The following WNK4 variants were observed in gnomAD, a reference collection of about 807,000 sequenced individuals.
WNK4 encodes serine/threonine-protein kinase WNK4.
WNK4 carries 94 observed loss-of-function variants against 116.2 expected under a neutral mutation model. The observed-to-expected ratio is 0.81, with a 90% CI of 0.68 to 0.96. The LOEUF is 0.96. WNK4 is among the 40% of genes least tolerant of loss of function. The pLI is 0.00. For missense variants in WNK4, 1,542 were observed against 1,650.6 expected (o/e 0.93, Z 1.14); for synonymous variants, 655 against 672.7 (o/e 0.97, Z 0.41).
intron 7 of WNK4, 110 bp downstream of exon 7, chr17:42,787,652 C>T: frequency 6.3e-7 from 1 of 1,594,076 alleles, no homozygotes; most frequent in South Asian, 1.1e-5. Flanking sequence ...CACCTCTAGC[C>T]ATGAAGCTCC....
In WNK4 at chr17:42,794,089, C is replaced by T. The variant is rs918010408; in HGVS notation, c.2295+360C>T. On this transcript the variant is annotated intron_variant, in intron 12 of 18. Transcript: ENST00000246914. ...CAGGCTGGTCTCGATCTCCTGACCT[C>T]GTGATCCGCCCTCCTCGGCCTCCCA... The T allele has an allele frequency of 3.7e-5, 12 of 322,780 alleles. No homozygotes were observed. The East Asian group carries it at 6.9e-4, about 18-fold the overall frequency. 20.0% of individuals were successfully genotyped at this position (322,780 alleles called of 1,614,324 possible). A position where few individuals can be genotyped will look rare whatever the true frequency, so the allele number is the denominator to read the frequency against.
chr17:42,796,733 A>G lies in WNK4; in HGVS notation c.*45A>G. 1 of 1,614,194 alleles carries G rather than the reference A, an allele frequency of 6.2e-7. No individual in the cohort carries two copies. Among genetic ancestry groups the G allele is most frequent in the Non-Finnish European group, 8.5e-7 (1 of 1,180,028 alleles). ...TATCTCCCCCACACCAGGGCCCACC[A>G]TGGAGCTTGTGTTCTCAGAATCTGA... On this transcript the variant is annotated 3_prime_UTR_variant, in exon 19 of 19. Coordinates refer to ENST00000246914, the MANE Select transcript of WNK4 (RefSeq NM_032387.5).
chr17:42,786,777 A>C (rs2054553713), intron 6 of WNK4, among the ~76,000 whole-genome samples: 1 of 152,170 alleles, frequency 6.6e-6, no homozygotes, highest in Admixed American at 6.5e-5. Context: ...ATGTGTTAGA[A>C]ATTTAGAGCA....
intron 7 of WNK4, 31 bp downstream of exon 7, chr17:42,787,573 C>A (rs1326350091): frequency 9.3e-6 from 15 of 1,611,982 alleles, no homozygotes; most frequent in African/African-American, 1.3e-5. Context: ...AGACGTAGGT[C>A]CCAGAACACC....
intron 12 of WNK4, 104 bp downstream of exon 12, chr17:42,793,833 T>A: frequency 6.9e-7 from 1 of 1,441,864 alleles, no homozygotes; most frequent in Non-Finnish European, 9.6e-7. Context: ...CCTCTTCATC[T>A]CTGGGACCCT....
chr17:42,784,931 G>C lies in WNK4; in HGVS notation c.1171-166G>C, dbSNP rs61754354. 5.9e-4 allele frequency among the ~76,000 whole-genome samples: 88 copies of C among 148,196 alleles called. No individual in the cohort carries two copies. The Middle Eastern group carries it at 0.014, about 23-fold the overall frequency. On this transcript the variant is annotated intron_variant, in intron 4 of 18. Transcript: ENST00000246914. The surrounding 1 kb of genome is among the most constrained non-coding windows in gnomAD (Gnocchi z 4.4). ...AAGATCACACTGTAAATACTTGGGG[G>C]GGGGGCGGGGATTAGGATTTGAAAT...
intron 8 of WNK4, 59 bp downstream of exon 8, chr17:42,787,958 C>T: frequency 6.2e-7 from 1 of 1,606,374 alleles, no homozygotes; most frequent in Non-Finnish European, 8.5e-7. Context: ...CTATCTCCCT[C>T]CTTGTGAAAC....
Position 42,796,144 on chromosome 17 carries a change from A to G in WNK4, c.3453A>G (p.Thr1151=), listed in dbSNP as rs915513152. The G allele has an allele frequency of 6.2e-6, 10 of 1,614,084 alleles. No individual in the cohort carries two copies. The highest frequency in any genetic ancestry group is 1.7e-5 in the Admixed American group (1 of 60,030). The part of the protein sequence containing the change: ...LRQKHLSEVE[T]LQTLQKKEIE... ...TCAGGCACTTGTCAGAGGTGGAAAC[A>G]CTACAGACACTACAGAAAAAAGAAA... Residue 1151 remains threonine, a synonymous_variant, in exon 17 of 19, where the codon ACA becomes ACG. Coordinates refer to ENST00000246914, the MANE Select transcript of WNK4 (RefSeq NM_032387.5).
chr17:42,790,400 G>A (rs528521558), intron 11 of WNK4, among the ~76,000 whole-genome samples: 2 of 151,914 alleles, frequency 1.3e-5, no homozygotes, highest in South Asian at 4.2e-4. Flanking sequence ...ATGAAAGAAG[G>A]TTTTTTTTAA....
rs370770635 is a variant in WNK4 at position 42,785,411 on chromosome 17, C to T, written c.1405C>T (p.Arg469Trp). The T allele has an allele frequency of 3.2e-5, 51 of 1,570,298 alleles. No homozygotes were observed. Among genetic ancestry groups the T allele is most frequent in the Admixed American group, 1.1e-4 (6 of 53,000 alleles). Residue 469 changes from arginine to tryptophan, a missense_variant, in exon 6 of 19, where the codon CGG becomes TGG. Arg to Trp is a moderately radical substitution (Grantham distance 101). Around this residue, in one of 7 missense-constraint regions of WNK4, gnomAD observed 808 missense variants for 873.6 expected, o/e 0.92. Transcript: ENST00000246914. The part of the protein sequence containing the change: ...MEDARRGGRP[R>W]DNQAIEFLFQ... ...GGACGCGCGGCGCGGGGGGCGCCCA[C>T]GGGACAACCAGGCCATCGAGTTCCT...
At chr17:42,789,450 G>A (rs2054586360) in intron 11 of WNK4, among the ~76,000 whole-genome samples, 1 of 151,912 alleles carries the variant, frequency 6.6e-6, no homozygotes, top group Admixed American at 6.6e-5. Flanking sequence ...ATCACCCGAG[G>A]TCAGGAGTTC....
chr17:42,788,885 C>G, intron 11 of WNK4, 88 bp downstream of exon 11: 1 of 1,054,896 alleles, frequency 9.5e-7, no homozygotes. Flanking sequence ...ACCCACTGAT[C>G]CGACAGCAAG....
chr17:42,795,989 G>A lies in WNK4; in HGVS notation c.3387G>A (p.Gly1129=), dbSNP rs2054665878. The change falls in exon 16 of 19, where the codon GGG becomes GGA. Residue 1129 remains glycine (G), a synonymous_variant. Transcript: ENST00000246914. ...CLSSEESESS[G]EDEEFWAELQ... is the part of the protein sequence containing the mutation. ...GCAGCGAGGAGTCAGAAAGCAGTGG[G>A]GAAGATGAGGAGTTCTGGGCTGAGC... 6.2e-7 allele frequency: 1 copy of A among 1,613,756 alleles called. No individual in the cohort carries two copies. Among genetic ancestry groups the A allele is most frequent in the Non-Finnish European group, 8.5e-7 (1 of 1,180,034 alleles).
Position 42,795,064 on chromosome 17 carries a change from G to A in WNK4, c.2643G>A (p.Trp881Ter), listed in dbSNP as rs2054649322. The A allele has an allele frequency of 6.2e-7, 1 of 1,613,564 alleles. No homozygotes were observed. The highest frequency in any genetic ancestry group is 1.1e-5 in the South Asian group (1 of 91,060). ...CGGTCCCACTCTCTCAGTGTCCCTG[G>A]AGTTCTCTCCCCACGACTTCTCCAC... ...EFPVPLSQCP[W>*]SSLPTTSPPT... Residue 881 changes from tryptophan (W) to a stop codon, truncating the protein, a stop_gained, in exon 14 of 19, where the codon TGG becomes TGA. Transcript: ENST00000246914. LOFTEE classifies it high-confidence loss of function.
chr17:42,781,093 T>G lies in WNK4; in HGVS notation c.395T>G (p.Val132Gly). 1 of 1,613,342 alleles carries G rather than the reference T, an allele frequency of 6.2e-7. No homozygotes were observed. The highest frequency in any genetic ancestry group is 8.5e-7 in the Non-Finnish European group (1 of 1,179,778). ...CGTCCCGAGCTCCCGGACTCTGCAG[T>G]GGGCCCGGGGTCCAGGGAGCCGCTA... ...SARPELPDSA[V>G]GPGSREPLRV... Residue 132 changes from valine (V) to glycine (G), a missense_variant, in exon 1 of 19, where the codon GTG (valine) becomes GGG (glycine). Around this residue, in one of 7 missense-constraint regions of WNK4, gnomAD observed 243 missense variants for 217.8 expected, o/e 1.12. Transcript: ENST00000246914.
intron 10 of WNK4, 48 bp from the exon 11 acceptor site, chr17:42,788,633 G>C (rs763690967): frequency 6.7e-6 from 10 of 1,490,036 alleles, no homozygotes; most frequent in Non-Finnish European, 9.4e-6. Context: ...GACACAGCAT[G>C]ATGAAGAGGG....
rs908432328 is a variant in WNK4 at position 42,782,645 on chromosome 17, A to T, written c.619-113A>T. 8.8e-5 allele frequency: 109 copies of T among 1,238,224 alleles called. No individual in the cohort carries two copies. The highest frequency in any genetic ancestry group is 1.2e-4 in the Non-Finnish European group (104 of 871,656). 76.7% of individuals were successfully genotyped at this position (1,238,224 alleles called of 1,614,324 possible). ...CTGGGCAAGTAATCCCATTAACCCCACCCCATCTGTGGGCTCCAACCCTCA... is the reference window on the plus strand; with the variant it reads ...CTGGGCAAGTAATCCCATTAACCCCTCCCCATCTGTGGGCTCCAACCCTCA... On this transcript the variant is annotated intron_variant, in intron 1 of 18. Coordinates refer to ENST00000246914, the MANE Select transcript of WNK4 (RefSeq NM_032387.5). This position sits in a 1 kb window ranked among gnomAD's most constrained non-coding sequence, Gnocchi z 4.2.
At position 42,787,899 on chromosome 17, in the gene WNK4, G is replaced by A. The variant is rs768940964; in HGVS notation, c.1863G>A (p.Ser621=). The A allele has an allele frequency of 1.4e-5, 22 of 1,609,222 alleles. No homozygotes were observed. The highest frequency in any genetic ancestry group is 4.5e-5 in the East Asian group (2 of 44,842). Residue 621 remains serine, a splice_region_variant and synonymous_variant, in exon 8 of 19, where the codon TCG becomes TCA. Coordinates refer to ENST00000246914, the MANE Select transcript of WNK4 (RefSeq NM_032387.5). The part of the protein sequence containing the change: ...SLAESHLCLP[S]AFALSIPRSG... ...CTGAGTCCCATCTCTGCCTGCCCTC[G>A]GTGAGAGGGGGTCGCATGGGGGGCT...
At position 42,787,533 on chromosome 17, in the gene WNK4, T is replaced by G. The variant is rs2054563784; in HGVS notation, c.1732T>G (p.Ser578Ala). Residue 578 changes from serine to alanine, a missense_variant, in exon 7 of 19, where the codon TCT becomes GCT. Physicochemically the swap from Ser to Ala is moderately conservative, Grantham distance 99. Coordinates refer to ENST00000246914, the MANE Select transcript of WNK4 (RefSeq NM_032387.5). ...PFLFRHASYSSTTSDCETDGY... is the reference protein window; with the variant it reads ...PFLFRHASYSATTSDCETDGY... ...CCTTTTCCGCCACGCCAGCTACTCATCTACCACTTGTAAGTCACCCCTGAT... is the reference window on the plus strand; with the variant it reads ...CCTTTTCCGCCACGCCAGCTACTCAGCTACCACTTGTAAGTCACCCCTGAT... 1.2e-6 allele frequency: 2 copies of G among 1,602,666 alleles called. No homozygotes were observed. The highest frequency in any genetic ancestry group is 1.7e-6 in the Non-Finnish European group (2 of 1,174,222).
Sources: gnomAD v4.1 joint callset for allele counts (sites outside exome capture counted in the v4.1 genomes callset) on GRCh38, gnomAD v4.1.1 for gene constraint, gnomAD v4.1.1 regional missense constraint, Gnocchi (gnomAD v3.1) non-coding constraint, MANE v1.5 for transcripts, NCBI Gene and HGNC (gene_info 2026-07-23, HGNC 2026-07-21) for gene names.